Variants in IGF1R observed in about 807,000 individuals in gnomAD.
IGF1R encodes the protein insulin like growth factor 1 receptor, also known as insulin-like growth factor 1 receptor.
IGF1R carries 44 observed loss-of-function variants against 144.6 expected under a neutral mutation model. The ratio of observed to expected loss-of-function variants is 0.30; its 90% CI spans 0.24 to 0.39. The LOEUF (loss-of-function observed/expected upper bound fraction) is 0.39, where lower values mean the gene tolerates loss of function less well. IGF1R is among the 10% of genes least tolerant of loss of function. The probability of loss-of-function intolerance (pLI) is 1.00; values close to 1 mark genes in which losing one functional copy is unlikely to be tolerated. For missense variants in IGF1R, 1,355 were observed against 1,833.7 expected (o/e 0.74, Z 4.77); for synonymous variants, 795 against 722.8 (o/e 1.10, Z -1.60).
At chr15:98,947,057 T>C (rs1387867077) in intron 19 of IGF1R, among the ~76,000 whole-genome samples, 1 of 152,220 alleles carries the variant, frequency 6.6e-6, no homozygotes, top group Non-Finnish European at 1.5e-5. Context: ...GCTGGGCTGG[T>C]TGTGGAAGGC....
At chr15:98,948,152 T>TA (rs2016627031) in intron 19 of IGF1R, among the ~76,000 whole-genome samples, 1 of 152,336 alleles carries the variant, frequency 6.6e-6, no homozygotes, top group Non-Finnish European at 1.5e-5. Context: ...TTGAGGCTAC[T>TA]AAGTCAATGT....
chr15:98,779,727 C>A (rs533023356), intron 2 of IGF1R, among the ~76,000 whole-genome samples: 1 of 152,300 alleles, frequency 6.6e-6, no homozygotes, highest in African/African-American at 2.4e-5. Context: ...GAGGACATTC[C>A]GTCTGCGGGG....
chr15:98,889,539 A>C (rs1403707238), intron 2 of IGF1R, among the ~76,000 whole-genome samples: 1 of 152,274 alleles, frequency 6.6e-6, no homozygotes, highest in African/African-American at 2.4e-5. Context: ...AACTTATGAT[A>C]CATTCCACAA....
rs535571648 is a variant in IGF1R at position 98,658,397 on chromosome 15, G to A, written c.94+8722G>A. On this transcript the variant is annotated intron_variant, in intron 1 of 20. Transcript: ENST00000650285. ...CTTTTCTGAGTCTTGATAGAAATGC[G>A]GAGACTTAAAAATATTTGGGGGAGA... Among the ~76,000 whole-genome samples, 74 of 152,218 alleles carry A rather than the reference G, an allele frequency of 4.9e-4. 1 individual carries two copies. The highest frequency in any genetic ancestry group is 6.8e-4 in the Non-Finnish European group (46 of 68,018).
At chr15:98,857,797 T>G (rs954992694) in intron 2 of IGF1R, among the ~76,000 whole-genome samples, 34 of 152,228 alleles carry the variant, frequency 2.2e-4, no homozygotes, top group Admixed American at 1.4e-3. Context: ...CAGGATTAAC[T>G]GACAAAATTC....
Position 98,934,979 on chromosome 15 carries a change from G to T in IGF1R, c.3112G>T (p.Ala1038Ser). 1 of 1,614,184 alleles carries T rather than the reference G, an allele frequency of 6.2e-7. No individual in the cohort carries two copies. Among genetic ancestry groups the T allele is most frequent in the African/African-American group, 1.3e-5 (1 of 75,038 alleles). ...AGTGGCCATTAAAACAGTGAACGAGGCCGCAAGCATGCGTGAGAGGATTGA... is the reference window on the plus strand; with the variant it reads ...AGTGGCCATTAAAACAGTGAACGAGTCCGCAAGCATGCGTGAGAGGATTGA... ...TRVAIKTVNE[A>S]ASMRERIEFL... The change falls in exon 16 of 21, where the codon GCC becomes TCC. Residue 1038 changes from alanine to serine, a missense_variant. Around this residue, in one of 7 missense-constraint regions of IGF1R, gnomAD observed 880 missense variants for 1,202.7 expected, o/e 0.73. Coordinates refer to ENST00000650285, the MANE Select transcript of IGF1R (RefSeq NM_000875.5).
intron 3 of IGF1R, among the ~76,000 whole-genome samples, chr15:98,893,067 T>C (rs2014007582): frequency 6.6e-6 from 1 of 152,244 alleles, no homozygotes; most frequent in Non-Finnish European, 1.5e-5. Flanking sequence ...GCCTCCTTCA[T>C]GATTAGCACC....
intron 2 of IGF1R, among the ~76,000 whole-genome samples, chr15:98,754,448 G>A (rs963644466): frequency 3.3e-5 from 5 of 152,208 alleles, no homozygotes; most frequent in Admixed American, 2.6e-4. Flanking sequence ...TTAAGTACCA[G>A]TTGAGAAGCT....
intron 2 of IGF1R, among the ~76,000 whole-genome samples, chr15:98,761,915 G>C (rs1040174573): frequency 2.0e-5 from 3 of 152,194 alleles, no homozygotes; most frequent in Admixed American, 1.3e-4. Context: ...ACTGTTTCTG[G>C]CTGCAGAGGG....
intron 2 of IGF1R, among the ~76,000 whole-genome samples, chr15:98,859,120 AAC>A (rs2012001965): frequency 2.0e-5 from 3 of 152,186 alleles, no homozygotes; most frequent in Admixed American, 2.0e-4. Context: ...GACTTTTAGA[AAC>A]ACATCCAGTT....
chr15:98,803,506 A>ATTTATTTATTTATTTATTTT (rs2056406919), intron 2 of IGF1R, among the ~76,000 whole-genome samples: 2 of 150,946 alleles, frequency 1.3e-5, no homozygotes, highest in African/African-American at 4.9e-5. Flanking sequence ...CATTTTATTT[A>ATTTATTTATTTATTTATTTT]TTTATTTATT....
At chr15:98,910,300 G>A (rs948017476) in intron 6 of IGF1R, among the ~76,000 whole-genome samples, 1 of 152,202 alleles carries the variant, frequency 6.6e-6, no homozygotes, top group Non-Finnish European at 1.5e-5. Flanking sequence ...TGTCTCCTTA[G>A]AGTCAGCCAG....
chr15:98,824,950 C>T (rs567951454), intron 2 of IGF1R, among the ~76,000 whole-genome samples: 56 of 152,140 alleles, frequency 3.7e-4, no homozygotes, highest in African/African-American at 1.3e-3. Flanking sequence ...GATTCTCCTG[C>T]CTCAGCCTCC....
chr15:98,911,166 T>A, intron 6 of IGF1R, 149 bp from the exon 7 acceptor site: 1 of 843,724 alleles, frequency 1.2e-6, no homozygotes, highest in Non-Finnish European at 2.0e-6. Context: ...GATTTCTTAG[T>A]GGAAAACGAG....
intron 5 of IGF1R, among the ~76,000 whole-genome samples, chr15:98,907,280 T>G (rs562818163): frequency 3.5e-4 from 53 of 152,334 alleles, no homozygotes; most frequent in Non-Finnish European, 6.5e-4. Flanking sequence ...AGAATCAGGC[T>G]GAGGATTGAC....
Position 98,864,599 on chromosome 15 carries a change from C to T in IGF1R, c.641-26726C>T, listed in dbSNP as rs549688428. On this transcript the variant is annotated intron_variant, in intron 2 of 20. Coordinates refer to ENST00000650285, the MANE Select transcript of IGF1R (RefSeq NM_000875.5). ...GAGATGGGGTCTGTGTTGCCCAGGT[C>T]CCTCTTGAACTCCTGGCCTCAAGCT... Among the ~76,000 whole-genome samples the T allele has an allele frequency of 2.6e-5, 4 of 152,246 alleles. No individual in the cohort carries two copies. In the South Asian group the frequency reaches 8.3e-4, roughly 32 times the overall value.
At chr15:98,782,233 A>G (rs2055876574) in intron 2 of IGF1R, among the ~76,000 whole-genome samples, 1 of 152,218 alleles carries the variant, frequency 6.6e-6, no homozygotes, top group Non-Finnish European at 1.5e-5. Context: ...ACATTTGGAT[A>G]AAAACCTGAA....
intron 2 of IGF1R, among the ~76,000 whole-genome samples, chr15:98,876,760 C>T (rs751487752): frequency 2.0e-4 from 31 of 152,114 alleles, no homozygotes; most frequent in Non-Finnish European, 3.8e-4. Context: ...GGTACAGTTC[C>T]CCCAAAAAAC....
rs542283935 is a variant in IGF1R at position 98,865,996 on chromosome 15, C to A, written c.641-25329C>A. ...CAGGAGGAGGCTCCCAGAGTAGATA[C>A]AACTTGCCCGTCACCCGGATGGGTT... On this transcript the variant is annotated intron_variant, in intron 2 of 20. Coordinates refer to ENST00000650285, the MANE Select transcript of IGF1R (RefSeq NM_000875.5). Among the ~76,000 whole-genome samples the A allele has an allele frequency of 1.1e-3, 169 of 152,352 alleles. 1 individual carries two copies. The highest frequency in any genetic ancestry group is 4.0e-3 in the African/African-American group (166 of 41,594).
Sources: allele counts gnomAD v4.1 joint callset (sites outside exome capture counted in the v4.1 genomes callset), GRCh38; gene constraint gnomAD v4.1.1; regional missense constraint gnomAD v4.1.1; transcripts MANE v1.5; gene names NCBI Gene and HGNC (gene_info 2026-07-23, HGNC 2026-07-21).